The following PLGRKT variants were observed in gnomAD, a reference collection of about 807,000 sequenced individuals.
PLGRKT encodes the protein plasminogen receptor (KT).
In PLGRKT, 22 loss-of-function variants were observed where a neutral mutation model predicts 18.5. The observed-to-expected ratio is 1.19, with a 90% confidence interval of 0.85 to 1.70. PLGRKT has a LOEUF of 1.70. Among genes scored for constraint, PLGRKT ranks in the 40% most tolerant of loss-of-function variants. The pLI is 0.00. For synonymous variants in PLGRKT, 72 were observed against 52.8 expected (o/e 1.36, Z -1.58); for missense variants, 235 against 174.4 (o/e 1.35, Z -1.96).
chr9:5,416,476 T>C (rs1818460439), intron 3 of PLGRKT, among the ~76,000 whole-genome samples: 1 of 152,222 alleles, frequency 6.6e-6, no homozygotes, highest in Admixed American at 6.5e-5. Flanking sequence ...GGATCATTTT[T>C]AATCATTTTG....
chr9:5,386,505 C>A (rs1468081440), intron 3 of PLGRKT, among the ~76,000 whole-genome samples: 5 of 151,768 alleles, frequency 3.3e-5, no homozygotes, highest in Admixed American at 2.6e-4. Context: ...CACACACACA[C>A]AACAAAACAA....
chr9:5,395,365 T>A (rs905486036), intron 3 of PLGRKT, among the ~76,000 whole-genome samples: 1 of 151,910 alleles, frequency 6.6e-6, no homozygotes, highest in Non-Finnish European at 1.5e-5. Context: ...AGTTTATTTA[T>A]AATAATTGTC....
At chr9:5,395,254 C>T (rs1326138063) in intron 3 of PLGRKT, among the ~76,000 whole-genome samples, 1 of 151,936 alleles carries the variant, frequency 6.6e-6, no homozygotes, top group African/African-American at 2.4e-5. Context: ...AGCTGACAAA[C>T]TTTTATTAGG....
chr9:5,426,641 GA>G (rs1818707344), intron 3 of PLGRKT, among the ~76,000 whole-genome samples: 1 of 152,198 alleles, frequency 6.6e-6, no homozygotes, highest in Non-Finnish European at 1.5e-5. Context: ...TATGTTAGGA[GA>G]ATCAATCCAC....
At chr9:5,421,420 T>G (rs1818573414) in intron 3 of PLGRKT, among the ~76,000 whole-genome samples, 1 of 152,202 alleles carries the variant, frequency 6.6e-6, no homozygotes, top group Admixed American at 6.5e-5. Flanking sequence ...CTTTTTCCCC[T>G]CACAGAACTC....
At chr9:5,376,026 G>A (rs1447026388) in intron 3 of PLGRKT, among the ~76,000 whole-genome samples, 1 of 152,214 alleles carries the variant, frequency 6.6e-6, no homozygotes, top group African/African-American at 2.4e-5. Context: ...CCATAAAAAG[G>A]AAGGAAATTC....
At chr9:5,359,430 T>C (rs1162232191) in intron 5 of PLGRKT, among the ~76,000 whole-genome samples, 1 of 152,172 alleles carries the variant, frequency 6.6e-6, no homozygotes, top group East Asian at 1.9e-4. Flanking sequence ...ATTTCAATCA[T>C]CTGCAAATGT....
intron 3 of PLGRKT, among the ~76,000 whole-genome samples, chr9:5,367,924 C>T (rs1033987628): frequency 3.3e-5 from 5 of 151,936 alleles, no homozygotes; most frequent in Admixed American, 1.3e-4. Context: ...AAAAAGTGGG[C>T]AAAGGACATG....
intron 3 of PLGRKT, among the ~76,000 whole-genome samples, chr9:5,424,113 T>C (rs1485422136): frequency 2.1e-5 from 3 of 142,976 alleles, no homozygotes; most frequent in African/African-American, 7.7e-5. Context: ...TGTAATATAG[T>C]CTATATTATA....
intron 3 of PLGRKT, among the ~76,000 whole-genome samples, chr9:5,374,961 C>T (rs1363587845): frequency 6.6e-6 from 1 of 152,074 alleles, no homozygotes; most frequent in African/African-American, 2.4e-5. Flanking sequence ...CAGCTTGACC[C>T]AGTTACAACC....
intron 3 of PLGRKT, among the ~76,000 whole-genome samples, chr9:5,366,660 G>C (rs773905458): frequency 3.3e-5 from 5 of 152,062 alleles, no homozygotes; most frequent in Non-Finnish European, 5.9e-5. Context: ...ATGTGAAAAA[G>C]CTAGAAGCAT....
At chr9:5,396,578 A>T (rs1228231100) in intron 3 of PLGRKT, among the ~76,000 whole-genome samples, 2 of 152,086 alleles carry the variant, frequency 1.3e-5, no homozygotes, top group African/African-American at 4.8e-5. Flanking sequence ...TAAAGGCGTG[A>T]GCCACTGCAT....
At chr9:5,411,174 G>A (rs977857766) in intron 3 of PLGRKT, among the ~76,000 whole-genome samples, 3 of 151,786 alleles carry the variant, frequency 2.0e-5, no homozygotes, top group South Asian at 2.1e-4. Flanking sequence ...ACCTGAGGTC[G>A]GGAGTTTGAG....
At chr9:5,415,312 A>T (rs1194799186) in intron 3 of PLGRKT, among the ~76,000 whole-genome samples, 1 of 152,234 alleles carries the variant, frequency 6.6e-6, no homozygotes, top group Non-Finnish European at 1.5e-5. Context: ...CCACGAAAAC[A>T]TATTCATATA....
At chr9:5,386,993 G>T (rs1817856456) in intron 3 of PLGRKT, among the ~76,000 whole-genome samples, 1 of 151,830 alleles carries the variant, frequency 6.6e-6, no homozygotes, top group Non-Finnish European at 1.5e-5. Flanking sequence ...AGAAGACAAG[G>T]TTGGATGGGT....
intron 3 of PLGRKT, among the ~76,000 whole-genome samples, chr9:5,387,809 G>T (rs1254267308): frequency 6.6e-6 from 1 of 151,804 alleles, no homozygotes. Flanking sequence ...AGAAAGGAAG[G>T]AGTATTGCAG....
intron 3 of PLGRKT, among the ~76,000 whole-genome samples, chr9:5,414,127 G>T (rs558624634): frequency 8.3e-4 from 126 of 152,282 alleles, no homozygotes; most frequent in African/African-American, 2.4e-3. Context: ...GAATGGGAAT[G>T]AGTTAATAGG....
At chr9:5,421,688 T>C (rs1818578183) in intron 3 of PLGRKT, among the ~76,000 whole-genome samples, 2 of 152,232 alleles carry the variant, frequency 1.3e-5, no homozygotes, top group African/African-American at 4.8e-5. Flanking sequence ...ATGTGGGACA[T>C]CTCACTTAAT....
intron 3 of PLGRKT, among the ~76,000 whole-genome samples, chr9:5,395,244 A>G (rs1264472251): frequency 6.6e-6 from 1 of 151,990 alleles, no homozygotes; most frequent in African/African-American, 2.4e-5. Context: ...AAATACATTA[A>G]GCTGACAAAC....
Sources: gnomAD v4.1 joint callset for allele counts (sites outside exome capture counted in the v4.1 genomes callset) on GRCh38, gnomAD v4.1.1 for gene constraint, MANE v1.5 for transcripts, NCBI Gene and HGNC (gene_info 2026-07-23, HGNC 2026-07-21) for gene names.